The following ZEB2 variants were observed in gnomAD, a reference collection of about 807,000 sequenced individuals.
ZEB2 encodes the protein zinc finger E-box binding homeobox 2.
Under a neutral mutation model 99.9 loss-of-function variants are expected in ZEB2, and 6 were observed. The observed-to-expected ratio is 0.06, with a 90% CI of 0.03 to 0.12. The LOEUF (loss-of-function observed/expected upper bound fraction) is 0.12. Among genes scored for constraint, ZEB2 ranks in the 10% least tolerant of loss-of-function variants. The pLI, the probability that ZEB2 is intolerant of heterozygous loss-of-function variation, is 1.00. For synonymous variants in ZEB2, 517 were observed against 542.5 expected, an observed-to-expected ratio of 0.95 and a Z score of 0.65; for missense variants, 969 against 1,502.8, an observed-to-expected ratio of 0.64 and a Z score of 5.87.
chr2:144,501,965 G>C (rs1704876325), intron 2 of ZEB2, among the ~76,000 whole-genome samples: 1 of 152,076 alleles, frequency 6.6e-6, no homozygotes, highest in Non-Finnish European at 1.5e-5. Context: ...TAGCCACCCC[G>C]ACCTGTATCA....
At position 144,452,744 on chromosome 2, in the gene ZEB2, G is replaced by T. The variant is rs1454308987; in HGVS notation, c.74-22718C>A. Among the ~76,000 whole-genome samples the T allele has an allele frequency of 4.6e-5, 7 of 152,082 alleles. No individual in the cohort carries two copies. In the East Asian group the frequency reaches 1.2e-3, roughly 25 times the overall value. ...CCAGCCTTTTTCCTGTCGCCATCTC[G>T]GTATTTAATCTGACACCGCCAGGCA... On this transcript the variant is annotated intron_variant, in intron 2 of 9. Transcript: ENST00000627532.
In ZEB2 at chr2:144,453,042, T is replaced by C. The variant is rs530269343; in HGVS notation, c.74-23016A>G. Reference sequence around the variant, plus strand: ...ATCATCTTATTTAGTTTCTATATTATAGGTCCTAACTAATCCAAAACCATT... The same window carrying C: ...ATCATCTTATTTAGTTTCTATATTACAGGTCCTAACTAATCCAAAACCATT... On this transcript the variant is annotated intron_variant, in intron 2 of 9. Transcript: ENST00000627532. Among the ~76,000 whole-genome samples, 3 of 152,366 alleles carry C rather than the reference T, an allele frequency of 2.0e-5. No individual in the cohort carries two copies. The East Asian group carries it at 5.8e-4, about 29-fold the overall frequency.
chr2:144,467,305 C>T (rs1704285889), intron 2 of ZEB2, among the ~76,000 whole-genome samples: 1 of 152,098 alleles, frequency 6.6e-6, no homozygotes. Context: ...TTTCTACTCT[C>T]TGAACTGCTC....
At chr2:144,434,991 C>G (rs375461844) in intron 2 of ZEB2, among the ~76,000 whole-genome samples, 15 of 152,266 alleles carry the variant, frequency 9.9e-5, no homozygotes, top group Middle Eastern at 3.4e-3. Context: ...TGTGCAATGG[C>G]ACTGTGTGAT....
At chr2:144,414,355 G>T (rs1386420566) in intron 4 of ZEB2, among the ~76,000 whole-genome samples, 1 of 152,114 alleles carries the variant, frequency 6.6e-6, no homozygotes, top group East Asian at 1.9e-4. Flanking sequence ...TTCAAAAATT[G>T]TCAAGAGCTT....
At chr2:144,398,245 A>C (rs762968386) in intron 8 of ZEB2, 56 bp downstream of exon 8, 59 of 1,605,468 alleles carry the variant, frequency 3.7e-5, no homozygotes, top group Non-Finnish European at 4.8e-5. Context: ...ACATGCACAT[A>C]ATCAAAATAA....
At chr2:144,461,766 A>T (rs1410594570) in intron 2 of ZEB2, 2 of 152,106 alleles carry the variant, frequency 1.3e-5, no homozygotes, top group Non-Finnish European at 2.9e-5. Context: ...ATTCTTGATA[A>T]GCATCTGGAT....
intron 2 of ZEB2, among the ~76,000 whole-genome samples, chr2:144,488,700 T>TGTGA (rs1553968750): frequency 1.3e-5 from 2 of 150,056 alleles, no homozygotes; most frequent in African/African-American, 2.4e-5. Context: ...TGTGTGTGTG[T>TGTGA]GTGATGGGCA....
chr2:144,431,629 GC>G (rs1703770707), intron 2 of ZEB2, among the ~76,000 whole-genome samples: 1 of 151,836 alleles, frequency 6.6e-6, no homozygotes, highest in African/African-American at 2.4e-5. Flanking sequence ...GACCACAAGG[GC>G]TTAGGCAAGT....
At chr2:144,481,298 G>A (rs951166035) in intron 2 of ZEB2, among the ~76,000 whole-genome samples, 7 of 152,136 alleles carry the variant, frequency 4.6e-5, no homozygotes, top group African/African-American at 7.2e-5. Flanking sequence ...AGCCCACTCC[G>A]GAGGGCTGCA....
chr2:144,499,418 C>G (rs867438425), intron 2 of ZEB2, among the ~76,000 whole-genome samples: 2 of 152,264 alleles, frequency 1.3e-5, no homozygotes, highest in South Asian at 2.1e-4. Context: ...ATAGAATCCA[C>G]TCATTTGCCA....
intron 4 of ZEB2, 102 bp downstream of exon 4, chr2:144,424,694 G>A (rs1431715354): frequency 2.9e-6 from 4 of 1,372,570 alleles, no homozygotes; most frequent in Non-Finnish European, 4.2e-6. Context: ...TACTTGTTAA[G>A]TCATGGAGAT....
intron 1 of ZEB2, 48 bp from the exon 2 acceptor site, chr2:144,517,467 A>C: frequency 7.4e-7 from 1 of 1,344,300 alleles, no homozygotes; most frequent in Non-Finnish European, 1.0e-6. Context: ...GCGCCCATTG[A>C]AACGCGCGCG....
chr2:144,404,346 A>C (rs1191678296), intron 5 of ZEB2, among the ~76,000 whole-genome samples: 1 of 111,640 alleles, frequency 9.0e-6, no homozygotes, highest in Non-Finnish European at 1.7e-5. Flanking sequence ...AAAATTAATT[A>C]ATTACTTCAG....
At chr2:144,430,063 C>T in intron 2 of ZEB2, 37 bp from the exon 3 acceptor site, 1 of 1,608,432 alleles carries the variant, frequency 6.2e-7, no homozygotes, top group Non-Finnish European at 8.5e-7. Context: ...TCTAAACACT[C>T]TGTTGAGAAA....
intron 7 of ZEB2, 42 bp downstream of exon 7, chr2:144,401,157 A>T: frequency 1.3e-6 from 2 of 1,556,378 alleles, no homozygotes; most frequent in Non-Finnish European, 1.8e-6. Context: ...TCCCCTAATT[A>T]AGTAAAATGC....
chr2:144,389,709 A>C lies in ZEB2; in HGVS notation c.3387T>G (p.Ser1129Arg). Residue 1129 changes from serine to arginine, a missense_variant, in exon 10 of 10, where the codon AGT becomes AGG. Physicochemically the swap from Ser to Arg is moderately radical, Grantham distance 110. Transcript: ENST00000627532. The surrounding 1 kb of genome is among the most constrained non-coding windows in gnomAD (Gnocchi z 6.8). ...QGYSDSEERE[S>R]MPRDGESEKE... ...TCTCGCTCTCGCCATCCCTCGGCATACTCTCCCTCTCCTCCGAGTCAGAGT... is the reference window on the plus strand; with the variant it reads ...TCTCGCTCTCGCCATCCCTCGGCATCCTCTCCCTCTCCTCCGAGTCAGAGT... 1 of 1,611,312 alleles carries C rather than the reference A, an allele frequency of 6.2e-7. No homozygotes were observed.
At chr2:144,433,072 T>G (rs1032930729) in intron 2 of ZEB2, among the ~76,000 whole-genome samples, 2 of 152,152 alleles carry the variant, frequency 1.3e-5, no homozygotes, top group Admixed American at 1.3e-4. Flanking sequence ...TGGAGCTACA[T>G]GGCTGGCACA....
intron 2 of ZEB2, among the ~76,000 whole-genome samples, chr2:144,444,143 C>T (rs1002526888): frequency 6.6e-6 from 1 of 152,184 alleles, no homozygotes; most frequent in Non-Finnish European, 1.5e-5. Context: ...CAATACTAAG[C>T]TCATCTGATC....
Sources: gnomAD v4.1 joint callset for allele counts (sites outside exome capture counted in the v4.1 genomes callset) on GRCh38, gnomAD v4.1.1 for gene constraint, Gnocchi (gnomAD v3.1) non-coding constraint, MANE v1.5 for transcripts, NCBI Gene and HGNC (gene_info 2026-07-23, HGNC 2026-07-21) for gene names.